Variants in ANK1 observed in about 807,000 individuals in gnomAD.
ANK1 encodes the protein ankyrin 1, also known as ankyrin-1.
ANK1 carries 51 observed loss-of-function variants against 210.4 expected under a neutral mutation model. The observed-to-expected ratio is 0.24, with a 90% CI of 0.19 to 0.31. The LOEUF (loss-of-function observed/expected upper bound fraction) is 0.31. Ranked by LOEUF, ANK1 falls within the 10% of genes least tolerant of loss-of-function variation. The probability of loss-of-function intolerance (pLI) is 1.00; values close to 1 mark genes in which losing one functional copy is unlikely to be tolerated. For missense variants in ANK1, 2,051 were observed against 2,504.4 expected (o/e 0.82, Z 3.86); for synonymous variants, 967 against 1,025.9 (o/e 0.94, Z 1.10).
chr8:41,868,991 T>TA (rs1198908067), intron 1 of ANK1, among the ~76,000 whole-genome samples: 3 of 152,158 alleles, frequency 2.0e-5, no homozygotes, highest in Non-Finnish European at 4.4e-5. Context: ...AATATTTACG[T>TA]AAAACCATTT....
intron 3 of ANK1, among the ~76,000 whole-genome samples, chr8:41,732,615 G>C (rs537586549): frequency 9.7e-4 from 147 of 152,194 alleles, no homozygotes; most frequent in Non-Finnish European, 1.5e-3. Flanking sequence ...GTTTCGCCAT[G>C]TTGGCTGGGC....
chr8:41,819,480 AG>A (rs1411020538), intron 1 of ANK1, among the ~76,000 whole-genome samples: 22 of 152,344 alleles, frequency 1.4e-4, no homozygotes, highest in African/African-American at 4.6e-4. Flanking sequence ...CACAGGTGGA[AG>A]GGATAGTGTT....
At chr8:41,661,302 C>G in intron 42 of ANK1, 128 bp downstream of exon 42, 1 of 1,391,690 alleles carries the variant, frequency 7.2e-7, no homozygotes, top group South Asian at 1.2e-5. Context: ...ATCTCTGCCT[C>G]GAGACACAAC....
intron 1 of ANK1, among the ~76,000 whole-genome samples, chr8:41,812,859 T>C (rs992122128): frequency 6.6e-6 from 1 of 152,182 alleles, no homozygotes; most frequent in East Asian, 1.9e-4. Flanking sequence ...GAGAATCTGA[T>C]GCATTCGCTG....
At position 41,690,599 on chromosome 8, in the gene ANK1, C is replaced by G. The variant is rs771932102; in HGVS notation, c.3859G>C (p.Val1287Leu). ...VEVARSRDIE[V>L]LEGMSLFAEL... ...GCAAACAGGGACATTCCTTCCAACA[C>G]CTGCAGGAGAGGAAAAGCAGATACA... Residue 1287 changes from valine (V) to leucine (L), a missense_variant and splice_region_variant, in exon 32 of 43, where the codon GTG becomes CTG. Around this residue, in one of 6 missense-constraint regions of ANK1, gnomAD observed 1,413 missense variants for 1,707.4 expected, o/e 0.83. Coordinates refer to ENST00000289734, the MANE Select transcript of ANK1 (RefSeq NM_000037.4). 1 of 1,612,412 alleles carries G rather than the reference C, an allele frequency of 6.2e-7. No homozygotes were observed. Among genetic ancestry groups the G allele is most frequent in the Admixed American group, 1.7e-5 (1 of 60,028 alleles).
At chr8:41,735,045 G>T (rs1833094937) in intron 2 of ANK1, among the ~76,000 whole-genome samples, 1 of 152,120 alleles carries the variant, frequency 6.6e-6, no homozygotes, top group African/African-American at 2.4e-5. Flanking sequence ...CCAACCCTTA[G>T]CCCACAAGAG....
intron 1 of ANK1, among the ~76,000 whole-genome samples, chr8:41,811,523 C>G (rs1001903249): frequency 1.0e-5 from 1 of 97,550 alleles, no homozygotes; most frequent in African/African-American, 5.1e-5. Flanking sequence ...CAGCCCCATT[C>G]GGAATAAACC....
intron 37 of ANK1, among the ~76,000 whole-genome samples, chr8:41,681,197 G>A (rs1443316871): frequency 6.6e-6 from 1 of 152,178 alleles, no homozygotes; most frequent in Non-Finnish European, 1.5e-5. Context: ...GTGAAGAATT[G>A]AGGGAAATAA....
rs1273232030 is a variant in ANK1, at chr8:41,862,108, C to T, written c.126+34247G>A. Among the ~76,000 whole-genome samples, 3 of 152,210 alleles carry T rather than the reference C, an allele frequency of 2.0e-5. No homozygotes were observed. The East Asian group carries it at 5.8e-4, about 29-fold the overall frequency. On this transcript the variant is annotated intron_variant, in intron 1 of 42. Transcript: ENST00000265709. ...ATTGGCAAAATGTATTTAACCTCTTCCCTTTCCCTCTGGCCTCCCAAGGAC... is the reference window on the plus strand; with the variant it reads ...ATTGGCAAAATGTATTTAACCTCTTTCCTTTCCCTCTGGCCTCCCAAGGAC...
chr8:41,718,009 C>T (rs891369582), intron 11 of ANK1, 97 bp downstream of exon 11: 10 of 1,163,486 alleles, frequency 8.6e-6, no homozygotes, highest in Non-Finnish European at 1.3e-5. Flanking sequence ...CACACACACC[C>T]CTGCAGCCAT....
At chr8:41,689,553 T>C (rs966495824) in intron 33 of ANK1, among the ~76,000 whole-genome samples, 4 of 152,172 alleles carry the variant, frequency 2.6e-5, no homozygotes, top group African/African-American at 9.7e-5. Flanking sequence ...GGAAGGCTAA[T>C]GATTAAAACA....
At chr8:41,658,722 G>A (rs1304718792) in intron 42 of ANK1, among the ~76,000 whole-genome samples, 3 of 151,984 alleles carry the variant, frequency 2.0e-5, no homozygotes, top group Non-Finnish European at 4.4e-5. Flanking sequence ...GTGAAACCCC[G>A]TCTCTACTAA....
intron 31 of ANK1, among the ~76,000 whole-genome samples, chr8:41,691,861 G>T (rs998834735): frequency 1.3e-5 from 2 of 152,192 alleles, no homozygotes; most frequent in Admixed American, 1.3e-4. Flanking sequence ...AGCACTTTTA[G>T]TTATTTATTT....
chr8:41,835,445 C>T (rs953641231), intron 1 of ANK1, among the ~76,000 whole-genome samples: 1 of 151,876 alleles, frequency 6.6e-6, no homozygotes, highest in African/African-American at 2.4e-5. Context: ...CAGCGAGACT[C>T]CGTCTCAAAA....
intron 22 of ANK1, 66 bp downstream of exon 22, chr8:41,701,484 G>T: frequency 6.8e-7 from 1 of 1,476,248 alleles, no homozygotes; most frequent in Non-Finnish European, 9.5e-7. Context: ...GTGGCAGGAA[G>T]CCCCCTTGGA....
chr8:41,833,000 G>A (rs1401990931), intron 1 of ANK1, among the ~76,000 whole-genome samples: 3 of 152,158 alleles, frequency 2.0e-5, no homozygotes, highest in Non-Finnish European at 1.5e-5. Context: ...AAAACAACCT[G>A]GGGTGCTGAG....
chr8:41,878,476 G>T (rs1587582949), intron 1 of ANK1, among the ~76,000 whole-genome samples: 1 of 152,206 alleles, frequency 6.6e-6, no homozygotes, highest in East Asian at 1.9e-4. Flanking sequence ...TTTATAAAAA[G>T]AAGCTCCTCT....
At position 41,758,083 on chromosome 8, in the gene ANK1, C is replaced by T; in HGVS notation, c.82G>A (p.Ala28Thr). 3.1e-6 allele frequency: 5 copies of T among 1,614,176 alleles called. No individual in the cohort carries two copies. The highest frequency in any genetic ancestry group is 4.2e-6 in the Non-Finnish European group (5 of 1,180,048). ...ACCCCATTCCGCAGGTGATCCAAAG[C>T]TTTGTCCAAGTTACCTGATCTTGCT... ...RAARSGNLDK[A>T]LDHLRNGVDI... The change falls in exon 2 of 43, where the codon GCT becomes ACT. Residue 28 changes from alanine (A) to threonine (T), a missense_variant. By Grantham distance (58) the Ala-to-Thr change is moderately conservative (BLOSUM62 0). Around this residue, in one of 6 missense-constraint regions of ANK1, gnomAD observed 72 missense variants for 133.5 expected, o/e 0.54. Coordinates refer to ENST00000289734, the MANE Select transcript of ANK1 (RefSeq NM_000037.4).
intron 1 of ANK1, among the ~76,000 whole-genome samples, chr8:41,888,778 G>A (rs184497762): frequency 6.6e-5 from 10 of 152,308 alleles, no homozygotes; most frequent in East Asian, 1.9e-4. Context: ...CCAGGACTCC[G>A]TTTTCACCTG....
Sources: gnomAD v4.1 joint callset for allele counts (sites outside exome capture counted in the v4.1 genomes callset) on GRCh38, gnomAD v4.1.1 for gene constraint, gnomAD v4.1.1 regional missense constraint, MANE v1.5 for transcripts, NCBI Gene and HGNC (gene_info 2026-07-23, HGNC 2026-07-21) for gene names.